Variants in GRM4 observed in about 807,000 individuals in gnomAD.
GRM4 encodes metabotropic glutamate receptor 4.
A neutral mutation model predicts 81.7 loss-of-function variants in GRM4; 28 were observed. The ratio of observed to expected loss-of-function variants is 0.34; its 90% CI spans 0.25 to 0.47. GRM4 has a LOEUF of 0.47. Among genes scored for constraint, GRM4 ranks in the 20% least tolerant of loss-of-function variants. GRM4 has a pLI of 1.00. For synonymous variants in GRM4, 488 were observed against 528.8 expected, an observed-to-expected ratio of 0.92 and a Z score of 1.06; for missense variants, 948 against 1,290.0, an observed-to-expected ratio of 0.73 and a Z score of 4.06.
At chr6:34,104,655 C>CT (rs1478981550) in intron 2 of GRM4, among the ~76,000 whole-genome samples, 1 of 152,324 alleles carries the variant, frequency 6.6e-6, no homozygotes, top group East Asian at 1.9e-4. Flanking sequence ...GCCTCCTGCC[C>CT]TTTGCCTACA....
At chr6:34,128,470 C>G (rs925676686) in intron 2 of GRM4, among the ~76,000 whole-genome samples, 1 of 151,550 alleles carries the variant, frequency 6.6e-6, no homozygotes, top group Non-Finnish European at 1.5e-5. Flanking sequence ...CTCTGCCTCC[C>G]GGGTTCAAGC....
intron 2 of GRM4, chr6:34,110,711 G>C: frequency 1.3e-6 from 2 of 1,520,160 alleles, no homozygotes; most frequent in Non-Finnish European, 8.8e-7. Flanking sequence ...CCTCCCCGCT[G>C]TGCCGGGGTG....
At chr6:34,072,510 A>C in intron 3 of GRM4, among the ~76,000 whole-genome samples, 1 of 152,022 alleles carries the variant, frequency 6.6e-6, no homozygotes, top group Non-Finnish European at 1.5e-5. Flanking sequence ...CAAACCACAC[A>C]CACACATCAC....
In GRM4 at chr6:34,035,643, T is replaced by C; in HGVS notation, c.2442+25A>G. 8 of 1,103,660 alleles carry C rather than the reference T, an allele frequency of 7.2e-6. No homozygotes were observed. Among genetic ancestry groups the C allele is most frequent in the Non-Finnish European group, 1.1e-5 (8 of 753,432 alleles). The allele number at this position is 1,103,660 out of a possible 1,614,324, so 68.4% of individuals were successfully genotyped here. On this transcript the variant is annotated intron_variant, in intron 9 of 10. Coordinates refer to ENST00000538487, the MANE Select transcript of GRM4 (RefSeq NM_000841.4). This position sits in a 1 kb window ranked among gnomAD's most constrained non-coding sequence, Gnocchi z 6.6. ...GCTCACTGCCCTCACCTACCCACCG[T>C]CCACCCCCGGCCCCCACCACTCACC...
upstream of GRM4, among the ~76,000 whole-genome samples, chr6:34,149,991 C>T (rs1440167436): frequency 1.3e-5 from 2 of 152,138 alleles, no homozygotes; most frequent in South Asian, 4.1e-4. Context: ...CCCAAATTTG[C>T]TCTCAGGATA....
Position 34,152,381 on chromosome 6 carries a change from G to A in GRM4, c.312+2698C>T, listed in dbSNP as rs1217221048. Among the ~76,000 whole-genome samples the A allele has an allele frequency of 3.9e-5, 6 of 152,156 alleles. No individual in the cohort carries two copies. The highest frequency in any genetic ancestry group is 3.9e-4 in the Admixed American group (6 of 15,280). The stretch of plus-strand genomic sequence containing the variant: ...AAGTCCCATCAAGGCAGAGGAGAAG[G>A]GGTATTGTGGTCTGGTCCTGGGGCT... On this transcript the variant is annotated intron_variant, in intron 1 of 8. Transcript: ENST00000374177. This position sits in a 1 kb window ranked among gnomAD's most constrained non-coding sequence, Gnocchi z 4.1.
intron 2 of GRM4, among the ~76,000 whole-genome samples, chr6:34,106,990 G>C (rs114097700): frequency 0.04 from 6,086 of 152,294 alleles, 314 homozygotes; most frequent in African/African-American, 0.12. Context: ...AGGAATGGAC[G>C]GGCCAAGTGG....
chr6:34,063,986 T>C (rs1184354337), intron 3 of GRM4, among the ~76,000 whole-genome samples: 1 of 152,182 alleles, frequency 6.6e-6, no homozygotes, highest in Non-Finnish European at 1.5e-5. Flanking sequence ...TAAGTCATAT[T>C]TCTGAGATGC....
At chr6:34,098,138 G>C (rs932384073) in intron 2 of GRM4, among the ~76,000 whole-genome samples, 8 of 152,208 alleles carry the variant, frequency 5.3e-5, no homozygotes, top group Admixed American at 4.6e-4. Context: ...AGAGAGGACT[G>C]CATCAGCAAA....
At chr6:34,043,268 C>T (rs115002272) in intron 6 of GRM4, among the ~76,000 whole-genome samples, 2,479 of 152,304 alleles carry the variant, frequency 0.016, 70 homozygotes, top group African/African-American at 0.056. Context: ...CAAAAGACAG[C>T]TTCACCATCC....
rs1273728730 is a variant in GRM4 at position 34,021,711 on chromosome 6, AG to A, written c.*1109del. 1 of 151,866 alleles carries A rather than the reference AG, an allele frequency of 6.6e-6. No homozygotes were observed. The highest frequency in any genetic ancestry group is 1.9e-4 in the East Asian group (1 of 5,182). 9.4% of individuals were successfully genotyped at this position (151,866 alleles called of 1,614,324 possible). A position where few individuals can be genotyped will look rare whatever the true frequency, so the allele number is the denominator to read the frequency against. On this transcript the variant is annotated 3_prime_UTR_variant, in exon 11 of 11. Transcript: ENST00000538487. The surrounding 1 kb of genome is among the most constrained non-coding windows in gnomAD (Gnocchi z 5.3). ...GCCTCACCACACCACACTAGATCCC[AG>A]CCTAGGGAGCAGTCTCCACAGCCCC... is the stretch of plus-strand genomic sequence containing the variant.
intron 2 of GRM4, among the ~76,000 whole-genome samples, chr6:34,094,016 GGATT>G (rs1256636050): frequency 6.6e-6 from 1 of 152,154 alleles, no homozygotes; most frequent in Non-Finnish European, 1.5e-5. Flanking sequence ...CATCAAGAGG[GGATT>G]GTTTAAAGAA....
rs373289905 is a variant in GRM4, at chr6:34,126,065, A to T, written c.519+6913T>A. Among the ~76,000 whole-genome samples, 361 of 152,258 alleles carry T rather than the reference A, an allele frequency of 2.4e-3. 1 individual carries two copies. The highest frequency in any genetic ancestry group is 0.017 in the Middle Eastern group (5 of 294). On this transcript the variant is annotated intron_variant, in intron 2 of 10. Transcript: ENST00000538487. ...ACCCATTTCACAGGCGAGTAAACTG[A>T]CGCTTGTAGAGGCCATGCAGTAAGT...
chr6:34,139,120 GT>G (rs1466873154), intron 1 of GRM4, among the ~76,000 whole-genome samples: 1 of 152,244 alleles, frequency 6.6e-6, no homozygotes, highest in Non-Finnish European at 1.5e-5. Context: ...CACAGTGGGG[GT>G]CTGGCCCCAA....
At position 34,040,260 on chromosome 6, in the gene GRM4, T is replaced by C; in HGVS notation, c.1424A>G (p.Tyr475Cys). The C allele has an allele frequency of 1.2e-6, 2 of 1,614,110 alleles. No homozygotes were observed. The highest frequency in any genetic ancestry group is 1.3e-5 in the African/African-American group (1 of 75,074). ...FNENGDAPGR[Y>C]DIYQYQLRND... ...GCGCAGCTGGTATTGGTAGATGTCA[T>C]AGCGCCCAGGCGCATCTCCATTCTC... The change falls in exon 8 of 11, where the codon TAT (tyrosine) becomes TGT (cysteine). Residue 475 changes from tyrosine (Y) to cysteine (C), a missense_variant. Coordinates refer to ENST00000538487, the MANE Select transcript of GRM4 (RefSeq NM_000841.4).
Position 34,114,141 on chromosome 6 carries a change from C to A in GRM4, c.519+18837G>T, listed in dbSNP as rs369078795. 2.0e-4 allele frequency among the ~76,000 whole-genome samples: 30 copies of A among 152,286 alleles called. No individual in the cohort carries two copies. The highest frequency in any genetic ancestry group is 8.3e-4 in the South Asian group (4 of 4,828). ...TCCCCTCCTTCACAACTCTCTAGCC[C>A]CTGGCCCTGGGCAGGTCCCCTCCAC... is the stretch of plus-strand genomic sequence containing the variant. On this transcript the variant is annotated intron_variant, in intron 2 of 10. Coordinates refer to ENST00000538487, the MANE Select transcript of GRM4 (RefSeq NM_000841.4). The surrounding 1 kb of genome is among the most constrained non-coding windows in gnomAD (Gnocchi z 4.3).
rs895588032 is a variant in GRM4 at position 34,090,706 on chromosome 6, C to T, written c.736+1177G>A. On this transcript the variant is annotated intron_variant, in intron 3 of 10. Coordinates refer to ENST00000538487, the MANE Select transcript of GRM4 (RefSeq NM_000841.4). This position sits in a 1 kb window ranked among gnomAD's most constrained non-coding sequence, Gnocchi z 5.2. ...AGCTTCAGCTGTACAATTAAAGGGG[C>T]TTATCCGAGATTTATAGCAGGATTA... Among the ~76,000 whole-genome samples the T allele has an allele frequency of 1.3e-5, 2 of 152,052 alleles. No homozygotes were observed. Among genetic ancestry groups the T allele is most frequent in the Non-Finnish European group, 2.9e-5 (2 of 68,010 alleles).
chr6:34,120,522 C>T (rs1769767603), intron 2 of GRM4, among the ~76,000 whole-genome samples: 1 of 152,188 alleles, frequency 6.6e-6, no homozygotes. Flanking sequence ...AATCAAAGTA[C>T]TTACAAGGCA....
At chr6:34,040,991 C>T (rs1376650920) in intron 6 of GRM4, among the ~76,000 whole-genome samples, 1 of 152,186 alleles carries the variant, frequency 6.6e-6, no homozygotes, top group East Asian at 1.9e-4. Context: ...ACCACTGATG[C>T]CTGTGCCACC....
Sources: allele counts gnomAD v4.1 joint callset (sites outside exome capture counted in the v4.1 genomes callset), GRCh38; gene constraint gnomAD v4.1.1; non-coding constraint Gnocchi (gnomAD v3.1); transcripts MANE v1.5; gene names NCBI Gene and HGNC (gene_info 2026-07-23, HGNC 2026-07-21).